ALS2CL: variants seen among roughly 807,000 people sequenced by gnomAD.
The protein encoded by ALS2CL is ALS2 C-terminal-like protein.
A neutral mutation model predicts 127.9 loss-of-function variants in ALS2CL; 112 were observed. The ratio of observed to expected loss-of-function variants is 0.88; its 90% confidence interval spans 0.75 to 1.02. The LOEUF is 1.02. Ranked by LOEUF, ALS2CL falls within the 50% of genes least tolerant of loss-of-function variation. The pLI is 0.00. For missense variants in ALS2CL, 1,174 were observed against 1,236.7 expected (o/e 0.95, Z 0.76); for synonymous variants, 519 against 527.6 (o/e 0.98, Z 0.22).
At chr3:46,680,762 C>T (rs893630183) in intron 13 of ALS2CL, 3 of 573,278 alleles carry the variant, frequency 5.2e-6, no homozygotes, top group Admixed American at 3.0e-5. Context: ...GAGGCTTCTC[C>T]GTGGAGGTGG....
intron 2 of ALS2CL, among the ~76,000 whole-genome samples, chr3:46,689,086 A>C (rs1699991683): frequency 6.6e-6 from 1 of 152,176 alleles, no homozygotes; most frequent in Non-Finnish European, 1.5e-5. Context: ...AAAATTAGCC[A>C]GGCGTGGTGG....
chr3:46,692,874 T>C (rs1700243789), intron 1 of ALS2CL, among the ~76,000 whole-genome samples: 1 of 152,206 alleles, frequency 6.6e-6, no homozygotes, highest in Non-Finnish European at 1.5e-5. Flanking sequence ...CTCCCAGGCC[T>C]GGCTCCTTAG....
At chr3:46,684,641 G>A (rs1699629965) in intron 7 of ALS2CL, among the ~76,000 whole-genome samples, 1 of 152,240 alleles carries the variant, frequency 6.6e-6, no homozygotes, top group Non-Finnish European at 1.5e-5. Context: ...GCCCAGGCCT[G>A]AGGGGTGAGG....
chr3:46,687,740 C>T (rs1263774173), intron 3 of ALS2CL, 56 bp from the exon 4 acceptor site: 2 of 1,542,598 alleles, frequency 1.3e-6, no homozygotes, highest in Non-Finnish European at 1.8e-6. Flanking sequence ...CAGACCTAAG[C>T]CCCTGGTCCC....
At position 46,681,005 on chromosome 3, in the gene ALS2CL, G is replaced by A; in HGVS notation, c.1436+241C>T. 1.6e-6 allele frequency: 1 copy of A among 628,366 alleles called. No individual in the cohort carries two copies. Among genetic ancestry groups the A allele is most frequent in the South Asian group, 1.9e-5 (1 of 53,714 alleles). The allele number at this position is 628,366 out of a possible 1,614,324, so 38.9% of individuals were successfully genotyped here. ...CAGTTTTTAGACGTGACAGAGCAGGGGGTCAGAAATGCCTCTCCAACACCA... is the reference window on the plus strand; with the variant it reads ...CAGTTTTTAGACGTGACAGAGCAGGAGGTCAGAAATGCCTCTCCAACACCA... On this transcript the variant is annotated intron_variant, in intron 13 of 25. Coordinates refer to ENST00000318962, the MANE Select transcript of ALS2CL (RefSeq NM_147129.5). The surrounding 1 kb of genome is among the most constrained non-coding windows in gnomAD (Gnocchi z 4.9).
chr3:46,686,445 G>C lies in ALS2CL; in HGVS notation c.535-6C>G, dbSNP rs369751772. 2 of 1,611,416 alleles carry C rather than the reference G, an allele frequency of 1.2e-6. No homozygotes were observed. Among genetic ancestry groups the C allele is most frequent in the Non-Finnish European group, 1.7e-6 (2 of 1,178,762 alleles). The stretch of plus-strand genomic sequence containing the variant: ...AGCTCCCGGGTTGGGTGATGCTGAA[G>C]GGGGACAGGGCAGCCAGTGAGAGGA... On this transcript the variant is annotated splice_region_variant and splice_polypyrimidine_tract_variant and intron_variant, in intron 5 of 25. Coordinates refer to ENST00000318962, the MANE Select transcript of ALS2CL (RefSeq NM_147129.5). The surrounding 1 kb of genome is among the most constrained non-coding windows in gnomAD (Gnocchi z 4.3).
chr3:46,676,843 C>A lies in ALS2CL; in HGVS notation c.1931+6G>T, dbSNP rs201705732. 2.2e-4 allele frequency: 354 copies of A among 1,612,908 alleles called. 3 individuals carry two copies. Among genetic ancestry groups the A allele is most frequent in the South Asian group, 1.9e-3 (175 of 91,040 alleles). On this transcript the variant is annotated splice_donor_region_variant and intron_variant, in intron 17 of 25. Transcript: ENST00000318962. ...AACCTGTGCATGCTCACACAGCCGGCCTCACCTCTCGCAGGACAGGTAATC... is the reference window on the plus strand; with the variant it reads ...AACCTGTGCATGCTCACACAGCCGGACTCACCTCTCGCAGGACAGGTAATC...
At chr3:46,685,823 T>C (rs1699723345) in intron 6 of ALS2CL, among the ~76,000 whole-genome samples, 179 bp from the exon 7 acceptor site, 1 of 152,182 alleles carries the variant, frequency 6.6e-6, no homozygotes, top group South Asian at 2.1e-4. Flanking sequence ...CTGGCTCTCT[T>C]GAAGCTTCAG....
intron 20 of ALS2CL, chr3:46,674,981 C>T: frequency 2.3e-6 from 1 of 430,938 alleles, no homozygotes; most frequent in Non-Finnish European, 4.1e-6. Context: ...AGTTGGATCC[C>T]CATTTGACTG....
chr3:46,687,767 C>A, intron 3 of ALS2CL, 83 bp from the exon 4 acceptor site: 1 of 1,426,530 alleles, frequency 7.0e-7, no homozygotes, highest in Non-Finnish European at 9.5e-7. Flanking sequence ...CCCCAGATCC[C>A]ACCCACTAGT....
At chr3:46,678,165 G>A in intron 16 of ALS2CL, 94 bp downstream of exon 16, 1 of 1,323,074 alleles carries the variant, frequency 7.6e-7, no homozygotes, top group Non-Finnish European at 9.9e-7. Flanking sequence ...AGAGGTGGGT[G>A]CAAAAAGGCC....
In ALS2CL at chr3:46,685,560, C is replaced by T. The variant is rs773644289; in HGVS notation, c.751G>A (p.Val251Met). Residue 251 changes from valine to methionine, a missense_variant, in exon 7 of 26, where the codon GTG becomes ATG. By Grantham distance (21) the Val-to-Met change is conservative. Transcript: ENST00000318962. ...ACGAGGGCATCATCAAAGAGCAGCA[C>T]ACGCTCAGCCCGCAACGGTGCGACC... ...VTVAPLRAER[V>M]LLFDDALVLL... 5.0e-6 allele frequency: 8 copies of T among 1,613,954 alleles called. No homozygotes were observed. The highest frequency in any genetic ancestry group is 6.8e-6 in the Non-Finnish European group (8 of 1,179,970).
At chr3:46,683,011 G>A in intron 10 of ALS2CL, 119 bp downstream of exon 10, 1 of 1,101,698 alleles carries the variant, frequency 9.1e-7, no homozygotes, top group South Asian at 1.7e-5. Context: ...AGAATTGACT[G>A]TCCACAGAGA....
At chr3:46,671,307 C>A (rs1698369975) in intron 25 of ALS2CL, among the ~76,000 whole-genome samples, 181 bp downstream of exon 25, 1 of 152,168 alleles carries the variant, frequency 6.6e-6, no homozygotes, top group Admixed American at 6.5e-5. Flanking sequence ...CTGTGGGACC[C>A]CTCCCTGGCT....
intron 14 of ALS2CL, chr3:46,680,149 C>A: frequency 2.3e-6 from 1 of 427,014 alleles, no homozygotes; most frequent in South Asian, 3.5e-5. Context: ...AATGCATCAT[C>A]ATGAGCAAGT....
chr3:46,679,381 G>C, intron 14 of ALS2CL, 94 bp from the exon 15 acceptor site: 1 of 1,058,732 alleles, frequency 9.4e-7, no homozygotes, highest in Non-Finnish European at 1.4e-6. Context: ...AGGGAGATGT[G>C]CCCTGACACA....
At chr3:46,691,719 ATTC>A (rs2106755562) in intron 1 of ALS2CL, among the ~76,000 whole-genome samples, 1 of 137,418 alleles carries the variant, frequency 7.3e-6, no homozygotes, top group East Asian at 2.1e-4. Flanking sequence ...ATTTCTTTCT[ATTC>A]TTTTTTTTTT....
chr3:46,684,068 G>A lies in ALS2CL; in HGVS notation c.787-21C>T, dbSNP rs370257616. On this transcript the variant is annotated intron_variant, in intron 7 of 25. Transcript: ENST00000318962. ...TGGCCCTGGAAGAGGATGGACACAG[G>A]AGTCATCCAGAGCCCAGGCCAGATG... is the stretch of plus-strand genomic sequence containing the variant. 5.8e-6 allele frequency: 9 copies of A among 1,551,294 alleles called. No individual in the cohort carries two copies. In the African/African-American group the frequency reaches 9.6e-5, roughly 17 times the overall value.
intron 25 of ALS2CL, 25 bp from the exon 26 acceptor site, chr3:46,671,089 GGCCA>G: frequency 6.2e-7 from 1 of 1,609,570 alleles, no homozygotes; most frequent in South Asian, 1.1e-5. Context: ...GCAAGGCTGA[GGCCA>G]GTTGACCTGC....
Sources: gnomAD v4.1 joint callset for allele counts (sites outside exome capture counted in the v4.1 genomes callset) on GRCh38, gnomAD v4.1.1 for gene constraint, Gnocchi (gnomAD v3.1) non-coding constraint, MANE v1.5 for transcripts, NCBI Gene and HGNC (gene_info 2026-07-23, HGNC 2026-07-21) for gene names.